PRRC2B: variants seen among roughly 807,000 people sequenced by gnomAD.
The protein encoded by PRRC2B is proline rich coiled-coil 2B.
Under a neutral mutation model 242.3 loss-of-function variants are expected in PRRC2B, and 68 were observed. That is an observed-to-expected ratio of 0.28 (90% CI 0.23 to 0.34). The LOEUF is 0.34. Ranked by LOEUF, PRRC2B falls within the 10% of genes least tolerant of loss-of-function variation. The pLI is 1.00. For missense variants in PRRC2B, 2,835 were observed against 2,954.8 expected, an observed-to-expected ratio of 0.96 and a Z score of 0.94; for synonymous variants, 1,228 against 1,173.6, an observed-to-expected ratio of 1.05 and a Z score of -0.95.
At chr9:131,440,201 C>G (rs557729078) in intron 5 of PRRC2B, among the ~76,000 whole-genome samples, 1 of 152,336 alleles carries the variant, frequency 6.6e-6, no homozygotes, top group Non-Finnish European at 1.5e-5. Flanking sequence ...GCCACCGTGC[C>G]TGACCTCAAA....
chr9:131,391,767 G>C (rs1836902292), upstream of PRRC2B, among the ~76,000 whole-genome samples: 1 of 152,122 alleles, frequency 6.6e-6, no homozygotes, highest in Non-Finnish European at 1.5e-5. Flanking sequence ...TTGAGACAGA[G>C]TCTCTCTCTG....
chr9:131,420,890 A>G (rs945074163), intron 1 of PRRC2B, among the ~76,000 whole-genome samples: 3 of 151,956 alleles, frequency 2.0e-5, no homozygotes, highest in Non-Finnish European at 4.4e-5. Flanking sequence ...TGTCCCCTCA[A>G]ACCCACCTGG....
In PRRC2B at chr9:131,470,967, C is replaced by T. The variant is rs751758736; in HGVS notation, c.2091C>T (p.Ser697=). Residue 697 remains serine (S), a synonymous_variant, in exon 14 of 32, where the codon TCC becomes TCT. Transcript: ENST00000683519. ...GGACCCCGGTGGACTTCTACCCCTC[C>T]GCCCTGCATCCCTCAGGTAAGCACT... ...PTRTPVDFYP[S]ALHPSGLMKP... 42 of 1,610,988 alleles carry T rather than the reference C, an allele frequency of 2.6e-5. No individual in the cohort carries two copies. Among genetic ancestry groups the T allele is most frequent in the Admixed American group, 2.0e-4 (12 of 59,490 alleles).
At chr9:131,443,338 A>T (rs1838674716) in intron 5 of PRRC2B, among the ~76,000 whole-genome samples, 1 of 149,688 alleles carries the variant, frequency 6.7e-6, no homozygotes, top group African/African-American at 2.5e-5. Context: ...GGGTTTCACC[A>T]TGTTAGCCAG....
intron 9 of PRRC2B, among the ~76,000 whole-genome samples, chr9:131,451,080 T>C (rs1245739847): frequency 6.6e-6 from 1 of 152,206 alleles, no homozygotes; most frequent in Non-Finnish European, 1.5e-5. Flanking sequence ...ATTTCATTTT[T>C]TAAGGGTTTG....
intron 2 of PRRC2B, among the ~76,000 whole-genome samples, chr9:131,430,561 A>ATGTGTG (rs200517031): frequency 0.3 from 35,333 of 118,162 alleles, 5,844 homozygotes; most frequent in Non-Finnish European, 0.38. Flanking sequence ...GTGTGTGTGT[A>ATGTGTG]TGTGTGTGTG....
rs554261301 is a variant in PRRC2B, at chr9:131,431,656, G to A, written c.116-961G>A. ...GGATGGAGTGCAGTGGCGCAATCTC[G>A]GCTCACTGCAAGCTCCACCTCCTGG... On this transcript the variant is annotated intron_variant, in intron 2 of 31. Coordinates refer to ENST00000683519, the MANE Select transcript of PRRC2B (RefSeq NM_013318.4). 1.3e-3 allele frequency among the ~76,000 whole-genome samples: 192 copies of A among 150,252 alleles called. 1 individual carries two copies. Among genetic ancestry groups the A allele is most frequent in the African/African-American group, 4.1e-3 (166 of 40,838 alleles).
chr9:131,445,166 T>C (rs1348601508), intron 6 of PRRC2B, among the ~76,000 whole-genome samples: 1 of 140,480 alleles, frequency 7.1e-6, no homozygotes, highest in Non-Finnish European at 1.6e-5. Context: ...ATTTTGCTGC[T>C]TTTTTTTTTT....
chr9:131,473,715 T>C lies in PRRC2B; in HGVS notation c.2315T>C (p.Met772Thr). ...TCGAGTGACACCTTGGCTATGGACA[T>C]GCGTGTCAGGTGAGATGAAGCCTGG... ...PKSSDTLAMD[M>T]RVRNESSFSA... Residue 772 changes from methionine to threonine, a missense_variant, in exon 15 of 32, where the codon ATG becomes ACG. Met to Thr is a moderately conservative substitution (Grantham distance 81). Coordinates refer to ENST00000683519, the MANE Select transcript of PRRC2B (RefSeq NM_013318.4). 6.2e-7 allele frequency: 1 copy of C among 1,612,828 alleles called. No individual in the cohort carries two copies. Among genetic ancestry groups the C allele is most frequent in the Non-Finnish European group, 8.5e-7 (1 of 1,179,400 alleles).
chr9:131,398,033 C>T (rs1170393540), intron 1 of PRRC2B, among the ~76,000 whole-genome samples: 1 of 152,150 alleles, frequency 6.6e-6, no homozygotes, highest in Non-Finnish European at 1.5e-5. Flanking sequence ...GTCATTGGGA[C>T]AAAGAAATAC....
intron 1 of PRRC2B, among the ~76,000 whole-genome samples, chr9:131,401,633 G>A (rs1434321111): frequency 6.6e-6 from 1 of 151,810 alleles, no homozygotes; most frequent in African/African-American, 2.4e-5. Context: ...TTACCGGCAT[G>A]AGCCACCGTG....
rs973464238 is a variant in PRRC2B, at chr9:131,496,469, T to A, written c.*595T>A. The A allele has an allele frequency of 5.9e-5, 9 of 152,258 alleles. No individual in the cohort carries two copies. The highest frequency in any genetic ancestry group is 2.2e-4 in the African/African-American group (9 of 41,456). 9.4% of individuals were successfully genotyped at this position (152,258 alleles called of 1,614,324 possible). On this transcript the variant is annotated 3_prime_UTR_variant, in exon 32 of 32. Coordinates refer to ENST00000683519, the MANE Select transcript of PRRC2B (RefSeq NM_013318.4). ...CTGCAGTACCTTAAGAGGTGACTCT[T>A]AAGAATGCATCCCCTCCTGATTCCT...
intron 4 of PRRC2B, among the ~76,000 whole-genome samples, chr9:131,438,285 GGA>G (rs1185290186): frequency 6.6e-6 from 1 of 152,172 alleles, no homozygotes; most frequent in Non-Finnish European, 1.5e-5. Flanking sequence ...TAGGCAGGCT[GGA>G]GACTGGTCCT....
rs148010417 is a variant in PRRC2B at position 131,459,275 on chromosome 9, G to A, written c.1323G>A (p.Ala441=). ...AGGACTGGGCTGAAGCAGTGGGTGC[G>A]TCCCGTGTGGTCCGAAAGGCGCCAG... ...EGKDWAEAVG[A]SRVVRKAPDP... The change falls in exon 11 of 32, where the codon GCG becomes GCA. Residue 441 remains alanine (A), a synonymous_variant. Coordinates refer to ENST00000683519, the MANE Select transcript of PRRC2B (RefSeq NM_013318.4). The A allele has an allele frequency of 2.7e-4, 432 of 1,613,914 alleles. 2 individuals are homozygous for A. The African/African-American group carries it at 4.4e-3, about 16-fold the overall frequency.
chr9:131,493,947 G>A (rs1319086096), intron 30 of PRRC2B, among the ~76,000 whole-genome samples: 2 of 152,134 alleles, frequency 1.3e-5, no homozygotes, highest in African/African-American at 2.4e-5. Context: ...TTAGAAGCAT[G>A]TTGTACATTT....
chr9:131,452,573 C>G (rs1233611480), intron 9 of PRRC2B, among the ~76,000 whole-genome samples: 1 of 151,358 alleles, frequency 6.6e-6, no homozygotes, highest in East Asian at 1.9e-4. Flanking sequence ...TCTTTTAATT[C>G]CTGATAATTT....
intron 14 of PRRC2B, 114 bp downstream of exon 14, chr9:131,471,097 A>G (rs1943533672): frequency 1.5e-6 from 1 of 655,772 alleles, no homozygotes; most frequent in Non-Finnish European, 2.6e-6. Flanking sequence ...CTCTTTGTCA[A>G]GTACACAACT....
chr9:131,405,840 G>T (rs1837346479), intron 1 of PRRC2B, among the ~76,000 whole-genome samples: 1 of 152,148 alleles, frequency 6.6e-6, no homozygotes, highest in South Asian at 2.1e-4. Flanking sequence ...ACCCCACACT[G>T]GAAGCCCTGC....
intron 1 of PRRC2B, among the ~76,000 whole-genome samples, chr9:131,395,723 A>G (rs1837032713): frequency 6.6e-6 from 1 of 152,206 alleles, no homozygotes; most frequent in Admixed American, 6.5e-5. Flanking sequence ...TAAGGCATGG[A>G]CAATACAGAA....
Sources: gnomAD v4.1 joint callset for allele counts (sites outside exome capture counted in the v4.1 genomes callset) on GRCh38, gnomAD v4.1.1 for gene constraint, MANE v1.5 for transcripts, NCBI Gene and HGNC (gene_info 2026-07-23, HGNC 2026-07-21) for gene names.